NUDT3: variants seen among roughly 807,000 people sequenced by gnomAD.
NUDT3 encodes diphosphoinositol polyphosphate phosphohydrolase 1.
In NUDT3, 9 loss-of-function variants were observed where a neutral mutation model predicts 23.6. The ratio of observed to expected loss-of-function variants is 0.38; its 90% confidence interval spans 0.23 to 0.66. The LOEUF (loss-of-function observed/expected upper bound fraction) is 0.66. NUDT3 is among the 30% of genes least tolerant of loss of function. The pLI is 0.52. For synonymous variants in NUDT3, 86 were observed against 82.6 expected, an observed-to-expected ratio of 1.04 and a Z score of -0.22; for missense variants, 172 against 218.5, an observed-to-expected ratio of 0.79 and a Z score of 1.34.
chr6:34,354,583 C>T (rs931410926), intron 1 of NUDT3, among the ~76,000 whole-genome samples: 3 of 151,586 alleles, frequency 2.0e-5, no homozygotes, highest in African/African-American at 7.3e-5. Flanking sequence ...ATTAGCCAGG[C>T]GTGGTGGCAG....
At position 34,282,435 on chromosome 6, in the gene NUDT3, T is replaced by C. The variant is rs999342396; in HGVS notation, c.*6318A>G. 39 of 152,164 alleles carry C rather than the reference T, an allele frequency of 2.6e-4. No individual in the cohort carries two copies. The highest frequency in any genetic ancestry group is 8.9e-4 in the African/African-American group (37 of 41,426). The allele number at this position is 152,164 out of a possible 1,614,324, so 9.4% of individuals were successfully genotyped here. A position where few individuals can be genotyped will look rare whatever the true frequency, so the allele number is the denominator to read the frequency against. On this transcript the variant is annotated 3_prime_UTR_variant, in exon 5 of 5. Coordinates refer to ENST00000607016, the MANE Select transcript of NUDT3 (RefSeq NM_006703.4). ...GGGAGTAGAATCTTATGGCCCAGCA[T>C]TGGCATTGAGGCATCTTGCTTTTTT...
intron 4 of NUDT3, among the ~76,000 whole-genome samples, chr6:34,290,702 A>G (rs1053051782): frequency 1.3e-5 from 2 of 148,760 alleles, no homozygotes; most frequent in Non-Finnish European, 1.5e-5. Flanking sequence ...TTTTTAAGAC[A>G]TTTATGGCTG....
intron 2 of NUDT3, among the ~76,000 whole-genome samples, chr6:34,300,321 C>T (rs1345646321): frequency 4.6e-5 from 7 of 152,146 alleles, no homozygotes; most frequent in South Asian, 2.1e-4. Flanking sequence ...ACATTTTGAC[C>T]GACAATGAGG....
At chr6:34,336,368 C>A (rs1384044943) in intron 2 of NUDT3, among the ~76,000 whole-genome samples, 1 of 152,018 alleles carries the variant, frequency 6.6e-6, no homozygotes, top group Non-Finnish European at 1.5e-5. Context: ...ATTTTTTGGC[C>A]ATTTGTCTTC....
At chr6:34,353,043 T>A (rs1408525142) in intron 1 of NUDT3, among the ~76,000 whole-genome samples, 1 of 152,200 alleles carries the variant, frequency 6.6e-6, no homozygotes, top group African/African-American at 2.4e-5. Context: ...TAAAAAAACA[T>A]AATGAAAAGC....
At chr6:34,333,585 T>C (rs528075527) in intron 2 of NUDT3, among the ~76,000 whole-genome samples, 1 of 152,280 alleles carries the variant, frequency 6.6e-6, no homozygotes, top group Non-Finnish European at 1.5e-5. Context: ...GGACCCAACT[T>C]GTTGGGGCAA....
At chr6:34,308,805 T>C (rs1371423194) in intron 2 of NUDT3, among the ~76,000 whole-genome samples, 1 of 152,142 alleles carries the variant, frequency 6.6e-6, no homozygotes, top group Non-Finnish European at 1.5e-5. Context: ...AAGCAAAAAC[T>C]GACAGAACTG....
chr6:34,384,792 G>C (rs1038777136), intron 1 of NUDT3, among the ~76,000 whole-genome samples: 3 of 152,142 alleles, frequency 2.0e-5, no homozygotes, highest in Non-Finnish European at 4.4e-5. Context: ...AGCACTTTGG[G>C]AGGCTGAGGT....
In NUDT3 at chr6:34,288,701, T is replaced by G. The variant is rs369704812; in HGVS notation, c.*52A>C. On this transcript the variant is annotated 3_prime_UTR_variant, in exon 5 of 5. Coordinates refer to ENST00000607016, the MANE Select transcript of NUDT3 (RefSeq NM_006703.4). ...AAAGAGCCAGGGTGAGAGGGAAGATTTGCACTTCAGTCTAGTTTCCAATTT... is the reference window on the plus strand; with the variant it reads ...AAAGAGCCAGGGTGAGAGGGAAGATGTGCACTTCAGTCTAGTTTCCAATTT... The G allele has an allele frequency of 6.4e-7, 1 of 1,564,146 alleles. No homozygotes were observed. Among genetic ancestry groups the G allele is most frequent in the East Asian group, 2.3e-5 (1 of 43,546 alleles).
At chr6:34,338,304 A>C (rs548088873) in intron 2 of NUDT3, among the ~76,000 whole-genome samples, 1 of 152,284 alleles carries the variant, frequency 6.6e-6, no homozygotes, top group East Asian at 1.9e-4. Flanking sequence ...TCCCTCCAAA[A>C]TGGGAAAATC....
intron 1 of NUDT3, among the ~76,000 whole-genome samples, chr6:34,371,250 C>A (rs1263676823): frequency 1.3e-5 from 2 of 152,038 alleles, no homozygotes; most frequent in Non-Finnish European, 2.9e-5. Flanking sequence ...GCAGGCAGAT[C>A]AAGAGGTCAA....
At chr6:34,382,807 G>A (rs749322565) in intron 1 of NUDT3, among the ~76,000 whole-genome samples, 1 of 151,626 alleles carries the variant, frequency 6.6e-6, no homozygotes, top group Non-Finnish European at 1.5e-5. Flanking sequence ...CACCAACCTG[G>A]ATGACAGAGC....
At chr6:34,342,279 T>C (rs1450325019) in intron 1 of NUDT3, among the ~76,000 whole-genome samples, 1 of 75,520 alleles carries the variant, frequency 1.3e-5, no homozygotes, top group East Asian at 3.1e-4. Flanking sequence ...ACAAGGTGAA[T>C]AGAAGACTTC....
At chr6:34,341,005 T>C (rs539982343) in intron 2 of NUDT3, among the ~76,000 whole-genome samples, 1 of 152,226 alleles carries the variant, frequency 6.6e-6, no homozygotes, top group African/African-American at 2.4e-5. Flanking sequence ...TTGTAAGTGC[T>C]TTTTTATATG....
In NUDT3 at chr6:34,334,469, G is replaced by A. The variant is rs206934; in HGVS notation, c.210+7393C>T. Among the ~76,000 whole-genome samples the A allele has an allele frequency of 2.4e-3, 371 of 151,692 alleles. 2 individuals are homozygous for A. Among genetic ancestry groups the A allele is most frequent in the African/African-American group, 8.5e-3 (351 of 41,332 alleles). On this transcript the variant is annotated intron_variant, in intron 2 of 4. Coordinates refer to ENST00000607016, the MANE Select transcript of NUDT3 (RefSeq NM_006703.4). ...AGCCTGACCAACATGGTGAAACCCC[G>A]TCTCTACTAAAAATACGAAACTAGC...
In NUDT3 at chr6:34,282,075, C is replaced by T. The variant is rs1242281710; in HGVS notation, c.*6678G>A. The T allele has an allele frequency of 3.3e-5, 5 of 152,206 alleles. No homozygotes were observed. The East Asian group carries it at 9.6e-4, about 29-fold the overall frequency. 9.4% of individuals were successfully genotyped at this position (152,206 alleles called of 1,614,324 possible). ...GGGTGTCTCCATAATCAGCCTCTAC[C>T]TTCCCTGGCATAAGTCATATCTGTT... On this transcript the variant is annotated 3_prime_UTR_variant, in exon 5 of 5. Transcript: ENST00000607016.
intron 2 of NUDT3, among the ~76,000 whole-genome samples, chr6:34,296,173 G>A (rs1257415912): frequency 1.3e-5 from 2 of 152,196 alleles, no homozygotes; most frequent in South Asian, 2.1e-4. Context: ...GGAGGCTAAG[G>A]TGAGAGGATC....
At chr6:34,356,934 T>C (rs536187860) in intron 1 of NUDT3, among the ~76,000 whole-genome samples, 35 of 152,092 alleles carry the variant, frequency 2.3e-4, no homozygotes, top group African/African-American at 8.2e-4. Flanking sequence ...CCCGCCACCA[T>C]GCCCGGCTAA....
At position 34,329,624 on chromosome 6, in the gene NUDT3, G is replaced by A. The variant is rs538177337; in HGVS notation, c.210+12238C>T. ...GCAGGGACAGGGAATACATGGTACA[G>A]GAATTAGGATGAGAAGATACTTAAA... On this transcript the variant is annotated intron_variant, in intron 2 of 4. Coordinates refer to ENST00000607016, the MANE Select transcript of NUDT3 (RefSeq NM_006703.4). 3.9e-5 allele frequency among the ~76,000 whole-genome samples: 6 copies of A among 152,112 alleles called. No individual in the cohort carries two copies. In the East Asian group the frequency reaches 1.2e-3, roughly 29 times the overall value.
Sources: gnomAD v4.1 joint callset for allele counts (sites outside exome capture counted in the v4.1 genomes callset) on GRCh38, gnomAD v4.1.1 for gene constraint, MANE v1.5 for transcripts, NCBI Gene and HGNC (gene_info 2026-07-23, HGNC 2026-07-21) for gene names.